The following RIMS2 variants were observed in gnomAD, a reference collection of about 807,000 sequenced individuals.
The protein encoded by RIMS2 is regulating synaptic membrane exocytosis protein 2.
A neutral mutation model predicts 174.4 loss-of-function variants in RIMS2; 59 were observed. That is an observed-to-expected ratio of 0.34 (90% CI 0.27 to 0.42). The LOEUF is 0.42. RIMS2 is among the 10% of genes least tolerant of loss of function. RIMS2 has a pLI of 1.00. For synonymous variants in RIMS2, 606 were observed against 572.5 expected, an observed-to-expected ratio of 1.06 and a Z score of -0.84; for missense variants, 1,620 against 1,666.3, an observed-to-expected ratio of 0.97 and a Z score of 0.48.
chr8:103,957,829 A>G (rs1249006917), intron 14 of RIMS2, among the ~76,000 whole-genome samples: 2 of 152,246 alleles, frequency 1.3e-5, no homozygotes, highest in African/African-American at 4.8e-5. Context: ...CATTAGGGCA[A>G]TGCAAATCAA....
intron 1 of RIMS2, among the ~76,000 whole-genome samples, chr8:103,571,027 TA>T (rs909988889): frequency 2.6e-5 from 4 of 152,186 alleles, no homozygotes; most frequent in Admixed American, 2.6e-4. Flanking sequence ...GGTCTACTTA[TA>T]ATTTTTCCTT....
At chr8:104,069,600 C>G (rs2097163162) in intron 19 of RIMS2, among the ~76,000 whole-genome samples, 1 of 151,472 alleles carries the variant, frequency 6.6e-6, no homozygotes, top group South Asian at 2.1e-4. Context: ...TGCCAAGTAC[C>G]TGGGGCTACA....
intron 20 of RIMS2, among the ~76,000 whole-genome samples, chr8:104,246,949 G>A (rs140577282): frequency 1.0e-3 from 155 of 151,994 alleles, no homozygotes; most frequent in African/African-American, 3.6e-3. Flanking sequence ...TTTGAGCAGA[G>A]GAGTGACAGG....
At chr8:104,223,812 C>G in intron 19 of RIMS2, 1 of 1,586,144 alleles carries the variant, frequency 6.3e-7, no homozygotes, top group Non-Finnish European at 8.5e-7. Context: ...CCCCTTCCCC[C>G]GTAGTTGGTG....
intron 19 of RIMS2, among the ~76,000 whole-genome samples, chr8:104,169,728 T>C (rs2098821138): frequency 6.6e-6 from 1 of 152,076 alleles, no homozygotes; most frequent in African/African-American, 2.4e-5. Context: ...TTGGGTTTAG[T>C]TTGTTCTTGT....
intron 1 of RIMS2, among the ~76,000 whole-genome samples, chr8:103,688,515 C>T (rs181522114): frequency 1.3e-5 from 2 of 152,056 alleles, no homozygotes; most frequent in East Asian, 3.9e-4. Context: ...TATTTGGTTG[C>T]TAGTATTTGG....
At chr8:103,629,575 G>A (rs1165526808) in intron 1 of RIMS2, among the ~76,000 whole-genome samples, 1 of 151,998 alleles carries the variant, frequency 6.6e-6, no homozygotes, top group Admixed American at 6.6e-5. Context: ...ATATGTAAAA[G>A]GTACAGGATA....
intron 1 of RIMS2, among the ~76,000 whole-genome samples, chr8:103,611,694 A>C (rs1340089473): frequency 6.6e-6 from 1 of 151,100 alleles, no homozygotes; most frequent in Non-Finnish European, 1.5e-5. Flanking sequence ...TCCTGCTTTT[A>C]GGATCCTTTC....
rs145124670 is a variant in RIMS2, at chr8:104,221,939, T to C, written c.3335-22977T>C. Among the ~76,000 whole-genome samples, 158 of 152,318 alleles carry C rather than the reference T, an allele frequency of 1.0e-3. 1 individual carries two copies. Among genetic ancestry groups the C allele is most frequent in the African/African-American group, 3.6e-3 (148 of 41,572 alleles). ...CACTCACTCCAATTGCCCTGGCCTGTCTGCTGTTCTGTGGTCACACCAGGA... is the reference window on the plus strand; with the variant it reads ...CACTCACTCCAATTGCCCTGGCCTGCCTGCTGTTCTGTGGTCACACCAGGA... On this transcript the variant is annotated intron_variant, in intron 19 of 23. Transcript: ENST00000504942.
At chr8:104,210,891 T>C (rs2099102286) in intron 19 of RIMS2, among the ~76,000 whole-genome samples, 1 of 152,260 alleles carries the variant, frequency 6.6e-6, no homozygotes, top group Non-Finnish European at 1.5e-5. Context: ...ATCTCTGACA[T>C]AGACATTCTT....
At chr8:104,137,206 C>T (rs2098528155) in intron 19 of RIMS2, among the ~76,000 whole-genome samples, 1 of 152,170 alleles carries the variant, frequency 6.6e-6, no homozygotes, top group Non-Finnish European at 1.5e-5. Context: ...TATAAAATAG[C>T]TGCTTCTTCA....
At chr8:103,587,468 G>GAAGAAAGAAAGAAA (rs2094012480) in intron 1 of RIMS2, among the ~76,000 whole-genome samples, 1 of 96,344 alleles carries the variant, frequency 1.0e-5, no homozygotes, top group Non-Finnish European at 2.2e-5. Context: ...AAGAAAGAAA[G>GAAGAAAGAAAGAAA]AAACTATGCA....
At chr8:104,224,161 A>C (rs1031884798) in intron 19 of RIMS2, among the ~76,000 whole-genome samples, 2 of 152,222 alleles carry the variant, frequency 1.3e-5, no homozygotes, top group African/African-American at 2.4e-5. Context: ...GGAGGACAGA[A>C]ATACTTGAAA....
At chr8:103,518,676 C>T (rs1830181847) in intron 1 of RIMS2, among the ~76,000 whole-genome samples, 1 of 151,750 alleles carries the variant, frequency 6.6e-6, no homozygotes, top group African/African-American at 2.4e-5. Flanking sequence ...ATCTTATTGG[C>T]ATATTTGATC....
At chr8:104,155,604 G>A (rs974206811) in intron 19 of RIMS2, among the ~76,000 whole-genome samples, 9 of 141,538 alleles carry the variant, frequency 6.4e-5, no homozygotes, top group East Asian at 2.2e-4. Context: ...TAGTGGAGAT[G>A]GGGTTTCACC....
intron 3 of RIMS2, among the ~76,000 whole-genome samples, chr8:103,843,695 A>G (rs1028755487): frequency 2.0e-5 from 3 of 152,220 alleles, no homozygotes; most frequent in African/African-American, 7.2e-5. Context: ...TATCATAACT[A>G]TGGTGAAGAC....
exon 13 of RIMS2, chr8:103,936,563 G>T: frequency 6.4e-7 from 1 of 1,567,494 alleles, no homozygotes; most frequent in South Asian, 1.2e-5. Flanking sequence ...ATAAAAACAA[G>T]AGAAGAACTA....
At chr8:104,007,447 G>A (rs180995480) in intron 17 of RIMS2, among the ~76,000 whole-genome samples, 180 of 152,160 alleles carry the variant, frequency 1.2e-3, no homozygotes, top group Non-Finnish European at 1.8e-3. Context: ...AACGGATTCC[G>A]ATCTAATTTT....
Position 103,775,053 on chromosome 8 carries a change from AT to A in RIMS2, c.698+8523del, listed in dbSNP as rs531368251. ...TTTATAATCAATGTTTCAATAATGGATTTTTTTCAGTAAATTCAGAGATGCT... is the reference window on the plus strand; with the variant it reads ...TTTATAATCAATGTTTCAATAATGGATTTTTTCAGTAAATTCAGAGATGCT... On this transcript the variant is annotated intron_variant, in intron 3 of 23. Coordinates refer to ENST00000504942, the Ensembl canonical transcript of RIMS2. 1.4e-4 allele frequency among the ~76,000 whole-genome samples: 22 copies of A among 152,182 alleles called. No homozygotes were observed. In the East Asian group the frequency reaches 3.9e-3, roughly 27 times the overall value.
Sources: gnomAD v4.1 joint callset for allele counts (sites outside exome capture counted in the v4.1 genomes callset) on GRCh38, gnomAD v4.1.1 for gene constraint, MANE v1.5 for transcripts, NCBI Gene and HGNC (gene_info 2026-07-23, HGNC 2026-07-21) for gene names.